Variants in NEGR1 observed in about 807,000 individuals in gnomAD.
NEGR1 encodes the protein neuronal growth regulator 1.
Under a neutral mutation model 40.9 loss-of-function variants are expected in NEGR1, and 10 were observed. The ratio of observed to expected loss-of-function variants is 0.24; its 90% CI spans 0.15 to 0.42. NEGR1 has a LOEUF of 0.42. NEGR1 is among the 10% of genes least tolerant of loss of function. The probability of loss-of-function intolerance (pLI) is 1.00; values close to 1 mark genes in which losing one functional copy is unlikely to be tolerated. For synonymous variants in NEGR1, 185 were observed against 166.8 expected (o/e 1.11, Z -0.84); for missense variants, 352 against 438.9 (o/e 0.80, Z 1.77).
rs1378087523 is a variant in NEGR1, at chr1:71,953,336, TA to T, written c.177-18026del. The stretch of plus-strand genomic sequence containing the variant: ...GATGCGGTGGAAATAGTAAGACAAC[TA>T]TAACTAGAAGTGGAGCCTGAAGATG... On this transcript the variant is annotated intron_variant, in intron 1 of 6. Coordinates refer to ENST00000357731, the MANE Select transcript of NEGR1 (RefSeq NM_173808.3). Among the ~76,000 whole-genome samples, 723 of 151,966 alleles carry T rather than the reference TA, an allele frequency of 4.8e-3. 6 individuals carry two copies. Among genetic ancestry groups the T allele is most frequent in the African/African-American group, 0.016 (659 of 41,494 alleles).
At chr1:72,253,727 TG>T (rs1270451074) in intron 1 of NEGR1, among the ~76,000 whole-genome samples, 1 of 152,188 alleles carries the variant, frequency 6.6e-6, no homozygotes, top group African/African-American at 2.4e-5. Context: ...AATCCAATGA[TG>T]GATGCATTTA....
intron 1 of NEGR1, among the ~76,000 whole-genome samples, chr1:71,966,992 C>T (rs1454042690): frequency 6.6e-6 from 1 of 152,022 alleles, no homozygotes; most frequent in African/African-American, 2.4e-5. Context: ...ATTCAGTAGG[C>T]TAAATCTAGG....
chr1:72,073,930 TG>T (rs1262194595), intron 1 of NEGR1, among the ~76,000 whole-genome samples: 1 of 152,064 alleles, frequency 6.6e-6, no homozygotes, highest in Non-Finnish European at 1.5e-5. Flanking sequence ...CAAATGATAC[TG>T]GATGCAGGAA....
chr1:72,117,196 T>C (rs1266519315), intron 1 of NEGR1, among the ~76,000 whole-genome samples: 1 of 151,870 alleles, frequency 6.6e-6, no homozygotes, highest in African/African-American at 2.4e-5. Flanking sequence ...TCTTCTCATA[T>C]ACTTTAATGC....
chr1:72,114,150 G>T (rs1649491172), intron 1 of NEGR1, among the ~76,000 whole-genome samples: 2 of 151,604 alleles, frequency 1.3e-5, no homozygotes, highest in Non-Finnish European at 2.9e-5. Flanking sequence ...CGTGATATTG[G>T]ATGTTTCTCT....
Position 71,604,238 on chromosome 1 carries a change from T to C in NEGR1, c.788+6788A>G, listed in dbSNP as rs532335927. Among the ~76,000 whole-genome samples, 4 of 152,282 alleles carry C rather than the reference T, an allele frequency of 2.6e-5. No homozygotes were observed. The South Asian group carries it at 8.3e-4, about 32-fold the overall frequency. On this transcript the variant is annotated intron_variant, in intron 5 of 6. Coordinates refer to ENST00000357731, the MANE Select transcript of NEGR1 (RefSeq NM_173808.3). ...AATTGACTCTATGTAAGTGAACGAA[T>C]GTGAACATTTTGCAAAGCCACCACA...
At chr1:72,182,339 C>A (rs1406527239) in intron 1 of NEGR1, among the ~76,000 whole-genome samples, 1 of 151,984 alleles carries the variant, frequency 6.6e-6, no homozygotes, top group Non-Finnish European at 1.5e-5. Context: ...ACTGAAAATA[C>A]AAAAATTAGC....
chr1:71,903,133 A>G (rs1325498365), intron 2 of NEGR1, among the ~76,000 whole-genome samples: 1 of 151,964 alleles, frequency 6.6e-6, no homozygotes, highest in East Asian at 1.9e-4. Flanking sequence ...AGAGATCCTA[A>G]TTAAAATCAC....
intron 4 of NEGR1, among the ~76,000 whole-genome samples, chr1:71,653,622 C>T (rs941057115): frequency 2.5e-4 from 38 of 152,060 alleles, no homozygotes; most frequent in African/African-American, 9.2e-4. Context: ...AAGTAATATT[C>T]ATTAAAGGTA....
At chr1:72,162,166 A>G (rs1651589505) in intron 1 of NEGR1, among the ~76,000 whole-genome samples, 1 of 152,030 alleles carries the variant, frequency 6.6e-6, no homozygotes, top group South Asian at 2.1e-4. Flanking sequence ...AAAAACAACA[A>G]AAAGGCCAGG....
At chr1:72,146,673 C>A (rs532899743) in intron 1 of NEGR1, among the ~76,000 whole-genome samples, 1 of 152,088 alleles carries the variant, frequency 6.6e-6, no homozygotes, top group Non-Finnish European at 1.5e-5. Flanking sequence ...CCCAAGATAT[C>A]TCTTTACATA....
intron 6 of NEGR1, among the ~76,000 whole-genome samples, chr1:71,550,129 G>T (rs1012055224): frequency 6.6e-6 from 1 of 151,604 alleles, no homozygotes; most frequent in African/African-American, 2.4e-5. Context: ...AAATGGTGGA[G>T]CAGACAGTCT....
intron 1 of NEGR1, among the ~76,000 whole-genome samples, chr1:72,254,769 T>C (rs951589128): frequency 6.6e-6 from 1 of 152,018 alleles, no homozygotes; most frequent in Non-Finnish European, 1.5e-5. Flanking sequence ...CAGGACAACG[T>C]TGACATTTTA....
intron 3 of NEGR1, among the ~76,000 whole-genome samples, chr1:71,771,830 G>A (rs1656342217): frequency 6.6e-6 from 1 of 151,678 alleles, no homozygotes; most frequent in Admixed American, 6.6e-5. Context: ...AAAGCAGAAG[G>A]ACTGCTGAAT....
intron 1 of NEGR1, among the ~76,000 whole-genome samples, chr1:72,180,809 C>A (rs1254329994): frequency 1.3e-5 from 2 of 152,072 alleles, no homozygotes; most frequent in Non-Finnish European, 2.9e-5. Flanking sequence ...TATAAGAGCC[C>A]TAGGGTTTAA....
intron 6 of NEGR1, among the ~76,000 whole-genome samples, chr1:71,453,115 A>G (rs1278386301): frequency 6.6e-6 from 1 of 152,170 alleles, no homozygotes; most frequent in Non-Finnish European, 1.5e-5. Context: ...TAGCTTTTTG[A>G]AAGTACAGAA....
At chr1:71,954,185 G>A (rs541449310) in intron 1 of NEGR1, among the ~76,000 whole-genome samples, 1 of 152,006 alleles carries the variant, frequency 6.6e-6, no homozygotes, top group African/African-American at 2.4e-5. Flanking sequence ...GACACCAAGA[G>A]AAACACAGAT....
At chr1:72,277,999 A>G (rs1157250172) in intron 1 of NEGR1, among the ~76,000 whole-genome samples, 1 of 152,200 alleles carries the variant, frequency 6.6e-6, no homozygotes, top group Non-Finnish European at 1.5e-5. Context: ...GTAGTCTAAT[A>G]AAAAGGCAAA....
At chr1:71,973,775 A>T (rs1275833717) in intron 1 of NEGR1, among the ~76,000 whole-genome samples, 2 of 152,210 alleles carry the variant, frequency 1.3e-5, no homozygotes, top group Non-Finnish European at 2.9e-5. Context: ...AACAACAGAT[A>T]ATTGGAACCA....
Sources: allele counts gnomAD v4.1 joint callset (sites outside exome capture counted in the v4.1 genomes callset), GRCh38; gene constraint gnomAD v4.1.1; transcripts MANE v1.5; gene names NCBI Gene and HGNC (gene_info 2026-07-23, HGNC 2026-07-21).